MYH9: variants seen among roughly 807,000 people sequenced by gnomAD.
MYH9 encodes the protein myosin heavy chain 9.
MYH9 carries 29 observed loss-of-function variants against 241.9 expected under a neutral mutation model. That is an observed-to-expected ratio of 0.12 (90% CI 0.09 to 0.16). The LOEUF is 0.16. MYH9 is among the 10% of genes least tolerant of loss of function. MYH9 has a pLI of 1.00. For missense variants in MYH9, 1,803 were observed against 2,595.5 expected, an observed-to-expected ratio of 0.69 and a Z score of 6.63; for synonymous variants, 1,047 against 1,062.6, an observed-to-expected ratio of 0.99 and a Z score of 0.29.
In MYH9 at chr22:36,314,138, T is replaced by C. The variant is rs3752462; in HGVS notation, c.1554+7A>G. On this transcript the variant is annotated splice_region_variant and intron_variant, in intron 13 of 40. Coordinates refer to ENST00000216181, the MANE Select transcript of MYH9 (RefSeq NM_002473.6). ...AGGTGTGAGGTCAAAGCAAGCCTGGTACTCACTGGCTTCTCAATGAGGTCG... is the reference window on the plus strand; with the variant it reads ...AGGTGTGAGGTCAAAGCAAGCCTGGCACTCACTGGCTTCTCAATGAGGTCG... 1,001,999 of 1,613,278 alleles carry C rather than the reference T, an allele frequency of 0.62. 324,968 individuals are homozygous for C. Among genetic ancestry groups the C allele is most frequent in the Non-Finnish European group, 0.68 (799,792 of 1,179,338 alleles).
chr22:36,295,716 C>T lies in MYH9; in HGVS notation c.3274G>A (p.Val1092Met), dbSNP rs748470952. ...TTCTTCTGGGCAGCTTCCTCTTCCA[C>T]TCTGCCAAAGCGACCAGCAACATCA... ...EEELQAALAR[V>M]EEEAAQKNMA... The change falls in exon 26 of 41, where the codon GTG (valine) becomes ATG (methionine). Residue 1092 changes from valine to methionine, a missense_variant and splice_region_variant. Physicochemically the swap from Val to Met is conservative, Grantham distance 21. This residue lies in a region of MYH9 where 290 missense variants were observed against 360.5 expected (regional missense o/e 0.80). Transcript: ENST00000216181. The surrounding 1 kb of genome is among the most constrained non-coding windows in gnomAD (Gnocchi z 4.1). 9 of 1,612,456 alleles carry T rather than the reference C, an allele frequency of 5.6e-6. No homozygotes were observed. The highest frequency in any genetic ancestry group is 2.2e-5 in the East Asian group (1 of 44,860).
chr22:36,308,154 C>T (rs2017001924), intron 15 of MYH9, among the ~76,000 whole-genome samples: 1 of 152,142 alleles, frequency 6.6e-6, no homozygotes, highest in Admixed American at 6.5e-5. Context: ...CAGCAGTGTG[C>T]ATACCTGAAC....
intron 1 of MYH9, among the ~76,000 whole-genome samples, chr22:36,371,209 G>A (rs1031924694): frequency 2.0e-5 from 3 of 152,122 alleles, no homozygotes; most frequent in East Asian, 1.9e-4. Flanking sequence ...TCCCAGTACC[G>A]CAGAATGTGA....
chr22:36,295,810 A>C lies in MYH9; in HGVS notation c.3273-93T>G, dbSNP rs2016779425. Reference sequence around the variant, plus strand: ...AGGCCTGAGAGAGCTGCAGCAGCCAAAGCTGCCTCCTGTGGTCACAATCAT... The same window carrying C: ...AGGCCTGAGAGAGCTGCAGCAGCCACAGCTGCCTCCTGTGGTCACAATCAT... On this transcript the variant is annotated intron_variant, in intron 25 of 40. Coordinates refer to ENST00000216181, the MANE Select transcript of MYH9 (RefSeq NM_002473.6). This position sits in a 1 kb window ranked among gnomAD's most constrained non-coding sequence, Gnocchi z 4.1. 1 of 1,174,966 alleles carries C rather than the reference A, an allele frequency of 8.5e-7. No individual in the cohort carries two copies. The highest frequency in any genetic ancestry group is 1.2e-6 in the Non-Finnish European group (1 of 813,394). 72.8% of individuals were successfully genotyped at this position (1,174,966 alleles called of 1,614,324 possible). A position where few individuals can be genotyped will look rare whatever the true frequency, so the allele number is the denominator to read the frequency against.
intron 3 of MYH9, among the ~76,000 whole-genome samples, chr22:36,340,725 G>C (rs1181853470): frequency 1.3e-5 from 2 of 152,026 alleles, no homozygotes; most frequent in Non-Finnish European, 2.9e-5. Flanking sequence ...GAGAGGTGAG[G>C]TAGGAACTCC....
chr22:36,316,293 C>G (rs1430237499), intron 12 of MYH9, among the ~76,000 whole-genome samples: 1 of 151,176 alleles, frequency 6.6e-6, no homozygotes, highest in Non-Finnish European at 1.5e-5. Context: ...CTTGGCCTCC[C>G]AAAGTGCTGG....
rs1049570786 is a variant in MYH9, at chr22:36,282,061, G to A, written c.*607C>T. The A allele has an allele frequency of 5.1e-5, 12 of 236,838 alleles. No homozygotes were observed. Among genetic ancestry groups the A allele is most frequent in the African/African-American group, 2.6e-4 (12 of 45,296 alleles). The allele number at this position is 236,838 out of a possible 1,614,324, so 14.7% of individuals were successfully genotyped here. On this transcript the variant is annotated 3_prime_UTR_variant, in exon 41 of 41. Coordinates refer to ENST00000216181, the MANE Select transcript of MYH9 (RefSeq NM_002473.6). ...GGCGCTGCCTGGGACAGGGTGGGGA[G>A]GAATCCACTCCTCCCCCCACCCCAG...
intron 24 of MYH9, among the ~76,000 whole-genome samples, chr22:36,298,702 CAG>C (rs1242752523): frequency 1.3e-5 from 2 of 152,208 alleles, no homozygotes; most frequent in African/African-American, 4.8e-5. Flanking sequence ...CACAGAGCAA[CAG>C]GGGCCTGGAG....
chr22:36,303,945 G>A, intron 19 of MYH9, 50 bp downstream of exon 19: 2 of 1,606,910 alleles, frequency 1.2e-6, no homozygotes, highest in African/African-American at 1.3e-5. Flanking sequence ...GGCAACAGAA[G>A]GGCGTGGCAA....
At chr22:36,378,404 G>C (rs5750254) in intron 1 of MYH9, among the ~76,000 whole-genome samples, 1 of 152,008 alleles carries the variant, frequency 6.6e-6, no homozygotes, top group South Asian at 2.1e-4. Context: ...GAGAAAAGGC[G>C]GGGGGTCTGC....
At chr22:36,351,604 C>G (rs2017766144) in intron 1 of MYH9, among the ~76,000 whole-genome samples, 1 of 152,068 alleles carries the variant, frequency 6.6e-6, no homozygotes, top group African/African-American at 2.4e-5. Flanking sequence ...TGTGTCTAAC[C>G]ACTAACTAGT....
chr22:36,329,211 T>C lies in MYH9; in HGVS notation c.491-1723A>G, dbSNP rs1182200443. 6.6e-6 allele frequency among the ~76,000 whole-genome samples: 1 copy of C among 152,108 alleles called. No homozygotes were observed. Among genetic ancestry groups the C allele is most frequent in the South Asian group, 2.1e-4 (1 of 4,824 alleles). ...ACACACCCCACACCCTGCTCTCTGA[T>C]GTGGAAACTACTCAGGAGGCAAGCT... On this transcript the variant is annotated intron_variant, in intron 3 of 40. Transcript: ENST00000216181. The surrounding 1 kb of genome is among the most constrained non-coding windows in gnomAD (Gnocchi z 4.1).
At chr22:36,347,514 C>G (rs1175760072) in intron 2 of MYH9, among the ~76,000 whole-genome samples, 6 of 151,852 alleles carry the variant, frequency 4.0e-5, no homozygotes, top group Admixed American at 3.9e-4. Flanking sequence ...AGAAGAATCA[C>G]TTGTGCTCAG....
At chr22:36,312,550 G>C (rs1392246256) in intron 13 of MYH9, among the ~76,000 whole-genome samples, 1 of 152,202 alleles carries the variant, frequency 6.6e-6, no homozygotes, top group Non-Finnish European at 1.5e-5. Context: ...CTGCCCAGGA[G>C]GCTGCCCTCA....
At chr22:36,284,744 C>T (rs902305176) in intron 38 of MYH9, among the ~76,000 whole-genome samples, 3 of 152,192 alleles carry the variant, frequency 2.0e-5, no homozygotes, top group Admixed American at 2.0e-4. Flanking sequence ...CCTCAAAGAG[C>T]ATCTATGTAA....
chr22:36,335,929 T>A (rs1188365093), intron 3 of MYH9, among the ~76,000 whole-genome samples: 1 of 152,122 alleles, frequency 6.6e-6, no homozygotes, highest in Non-Finnish European at 1.5e-5. Flanking sequence ...ATTCTACCCC[T>A]CATTGTTTAC....
At chr22:36,299,497 G>A (rs1327808006) in intron 23 of MYH9, among the ~76,000 whole-genome samples, 3 of 152,166 alleles carry the variant, frequency 2.0e-5, no homozygotes, top group Admixed American at 2.0e-4. Flanking sequence ...TGTTCTGTGT[G>A]GCCCCTGCAA....
chr22:36,316,820 T>A, intron 11 of MYH9, 151 bp from the exon 12 acceptor site: 1 of 800,836 alleles, frequency 1.2e-6, no homozygotes, highest in Non-Finnish European at 2.0e-6. Flanking sequence ...CGTACACAAA[T>A]ATGTTCACTG....
In MYH9 at chr22:36,320,925, C is replaced by G. The variant is rs764270393; in HGVS notation, c.770-29G>C. ...TGCAAATATTAAGGAGCAACACAAG[C>G]TGGGGAGAAGGCAAGCCCTCCACTT... On this transcript the variant is annotated intron_variant, in intron 7 of 40. Transcript: ENST00000216181. This position sits in a 1 kb window ranked among gnomAD's most constrained non-coding sequence, Gnocchi z 4.8. 88 of 1,591,242 alleles carry G rather than the reference C, an allele frequency of 5.5e-5. No individual in the cohort carries two copies. Among genetic ancestry groups the G allele is most frequent in the Admixed American group, 1.8e-4 (11 of 59,680 alleles).
Sources: gnomAD v4.1 joint callset for allele counts (sites outside exome capture counted in the v4.1 genomes callset) on GRCh38, gnomAD v4.1.1 for gene constraint, gnomAD v4.1.1 regional missense constraint, Gnocchi (gnomAD v3.1) non-coding constraint, MANE v1.5 for transcripts, NCBI Gene and HGNC (gene_info 2026-07-23, HGNC 2026-07-21) for gene names.